The following INPP5D variants were observed in gnomAD, a reference collection of about 807,000 sequenced individuals.
The protein encoded by INPP5D is inositol polyphosphate-5-phosphatase D, also known as phosphatidylinositol 3,4,5-trisphosphate 5-phosphatase 1.
In INPP5D, 33 loss-of-function variants were observed where a neutral mutation model predicts 122.9. That is an observed-to-expected ratio of 0.27 (90% CI 0.20 to 0.36). The LOEUF is 0.36. Among genes scored for constraint, INPP5D ranks in the 10% least tolerant of loss-of-function variants. The pLI is 1.00. For missense variants in INPP5D, 1,053 were observed against 1,412.7 expected, an observed-to-expected ratio of 0.75 and a Z score of 4.08; for synonymous variants, 584 against 576.2, an observed-to-expected ratio of 1.01 and a Z score of -0.19.
chr2:233,100,344 G>C lies in INPP5D; in HGVS notation c.198+20946G>C, dbSNP rs761171125. Among the ~76,000 whole-genome samples the C allele has an allele frequency of 1.3e-5, 2 of 152,186 alleles. No individual in the cohort carries two copies. The highest frequency in any genetic ancestry group is 2.9e-5 in the Non-Finnish European group (2 of 68,042). On this transcript the variant is annotated intron_variant, in intron 2 of 26. Transcript: ENST00000445964. This position sits in a 1 kb window ranked among gnomAD's most constrained non-coding sequence, Gnocchi z 5.3. ...CACACACTGGTAAACAGGTTTAGTTGACTTGGTGTGTTCCCAGTGACCTCC... is the reference window on the plus strand; with the variant it reads ...CACACACTGGTAAACAGGTTTAGTTCACTTGGTGTGTTCCCAGTGACCTCC...
chr2:233,111,693 A>C (rs1017036445), intron 2 of INPP5D, among the ~76,000 whole-genome samples: 6 of 152,234 alleles, frequency 3.9e-5, no homozygotes, highest in African/African-American at 1.4e-4. Context: ...GCAGAACTTA[A>C]CACTGGACAC....
chr2:233,110,039 C>G (rs932083264), intron 2 of INPP5D, among the ~76,000 whole-genome samples: 11 of 149,720 alleles, frequency 7.3e-5, no homozygotes, highest in Admixed American at 2.0e-4. Flanking sequence ...CATGTGCCAC[C>G]ATGCTCAGCT....
chr2:233,145,113 A>C (rs1380090591), intron 6 of INPP5D, among the ~76,000 whole-genome samples: 1 of 152,156 alleles, frequency 6.6e-6, no homozygotes, highest in African/African-American at 2.4e-5. Flanking sequence ...TTAATAACTT[A>C]ATAAGGTATC....
rs1374795468 is a variant in INPP5D, at chr2:233,185,145, T to C, written c.2275+624T>C. Among the ~76,000 whole-genome samples the C allele has an allele frequency of 7.2e-5, 11 of 152,100 alleles. 1 individual carries two copies. Among genetic ancestry groups the C allele is most frequent in the Non-Finnish European group, 1.5e-5 (1 of 67,986 alleles). The stretch of plus-strand genomic sequence containing the variant: ...GTGTGTCCAGCCGTCTTCGCTGAGA[T>C]GGTCTGCACAGTGATCGGGGGAGGA... On this transcript the variant is annotated intron_variant, in intron 20 of 26. Transcript: ENST00000445964.
At chr2:233,075,082 T>C (rs1023770835) in intron 1 of INPP5D, among the ~76,000 whole-genome samples, 2 of 152,242 alleles carry the variant, frequency 1.3e-5, no homozygotes, top group African/African-American at 4.8e-5. Context: ...AGCACCTTCC[T>C]GCCTCTTCTT....
chr2:233,104,005 C>A (rs930951542), intron 2 of INPP5D, among the ~76,000 whole-genome samples: 1 of 117,048 alleles, frequency 8.5e-6, no homozygotes, highest in Non-Finnish European at 1.7e-5. Context: ...CTGTGCCCTG[C>A]CTTTTTTTTT....
intron 9 of INPP5D, 23 bp downstream of exon 9, chr2:233,147,617 A>G (rs967860001): frequency 4.3e-6 from 3 of 702,422 alleles, no homozygotes; most frequent in Non-Finnish European, 7.8e-6. Context: ...GTGCCTATCA[A>G]CCACTGCCCC....
At chr2:233,093,917 C>G (rs1449966315) in intron 2 of INPP5D, among the ~76,000 whole-genome samples, 1 of 152,144 alleles carries the variant, frequency 6.6e-6, no homozygotes, top group Non-Finnish European at 1.5e-5. Flanking sequence ...TGCATGCCTC[C>G]TGAGCACCCT....
intron 9 of INPP5D, among the ~76,000 whole-genome samples, chr2:233,153,322 G>A (rs1194471913): frequency 6.6e-6 from 1 of 152,198 alleles, no homozygotes; most frequent in Non-Finnish European, 1.5e-5. Context: ...ACTGTGGGAT[G>A]CTTACTGAGG....
rs546403740 is a variant in INPP5D, at chr2:233,200,109, C to T, written c.2975+1733C>T. Among the ~76,000 whole-genome samples the T allele has an allele frequency of 4.8e-4, 73 of 152,322 alleles. 1 individual carries two copies. The highest frequency in any genetic ancestry group is 1.4e-3 in the African/African-American group (60 of 41,580). ...CGGCCCTGAAACTCTGGGGAAGCCCCGGACGGTGGAGAAAACTGATCTGAG... is the reference window on the plus strand; with the variant it reads ...CGGCCCTGAAACTCTGGGGAAGCCCTGGACGGTGGAGAAAACTGATCTGAG... On this transcript the variant is annotated intron_variant, in intron 25 of 26. Transcript: ENST00000445964.
At chr2:233,158,859 G>C (rs148438397) in intron 10 of INPP5D, among the ~76,000 whole-genome samples, 1 of 152,124 alleles carries the variant, frequency 6.6e-6, no homozygotes, top group Non-Finnish European at 1.5e-5. Flanking sequence ...GCTCACGGCA[G>C]CCTCCACCTC....
chr2:233,163,986 C>T (rs985900517), intron 12 of INPP5D, 83 bp downstream of exon 12: 16 of 1,509,794 alleles, frequency 1.1e-5, no homozygotes, highest in Admixed American at 2.4e-5. Flanking sequence ...AGGGTGGGCT[C>T]AGCCTATCAG....
At chr2:233,172,711 C>T (rs982834417) in intron 17 of INPP5D, among the ~76,000 whole-genome samples, 4 of 152,120 alleles carry the variant, frequency 2.6e-5, no homozygotes, top group African/African-American at 4.8e-5. Flanking sequence ...TTCCGAGAAG[C>T]GTGTCATTAG....
At chr2:233,092,461 G>T (rs1031275513) in intron 2 of INPP5D, among the ~76,000 whole-genome samples, 1 of 152,168 alleles carries the variant, frequency 6.6e-6, no homozygotes, top group Non-Finnish European at 1.5e-5. Flanking sequence ...GGAACCATGA[G>T]GGCTTTTGAA....
At chr2:233,136,599 A>T (rs911443017) in intron 5 of INPP5D, among the ~76,000 whole-genome samples, 1 of 152,244 alleles carries the variant, frequency 6.6e-6, no homozygotes, top group Non-Finnish European at 1.5e-5. Context: ...CCAGCAAAGT[A>T]CATGAAATGT....
intron 2 of INPP5D, among the ~76,000 whole-genome samples, chr2:233,096,202 C>A (rs527446683): frequency 6.6e-6 from 1 of 152,178 alleles, no homozygotes; most frequent in Non-Finnish European, 1.5e-5. Flanking sequence ...CTGCTTTGCC[C>A]GGGGCTCTTC....
At chr2:233,061,911 C>G (rs1691086487) in intron 1 of INPP5D, among the ~76,000 whole-genome samples, 2 of 152,244 alleles carry the variant, frequency 1.3e-5, no homozygotes, top group Admixed American at 1.3e-4. Flanking sequence ...ACAGGGTCAG[C>G]TGGGGCACTG....
chr2:233,195,739 G>A (rs937873938), intron 24 of INPP5D, among the ~76,000 whole-genome samples: 5 of 152,204 alleles, frequency 3.3e-5, no homozygotes, highest in African/African-American at 1.2e-4. Context: ...GGCCAAGGCC[G>A]GTGGATTGCT....
chr2:233,067,752 T>C (rs1176210173), intron 1 of INPP5D, among the ~76,000 whole-genome samples: 1 of 152,248 alleles, frequency 6.6e-6, no homozygotes, highest in Non-Finnish European at 1.5e-5. Context: ...TGTCTTATTG[T>C]GGTTTTAATT....
Sources: allele counts gnomAD v4.1 joint callset (sites outside exome capture counted in the v4.1 genomes callset), GRCh38; gene constraint gnomAD v4.1.1; non-coding constraint Gnocchi (gnomAD v3.1); transcripts MANE v1.5; gene names NCBI Gene and HGNC (gene_info 2026-07-23, HGNC 2026-07-21).